XKR6: variants seen among roughly 807,000 people sequenced by gnomAD.
The protein encoded by XKR6 is XK related 6, also known as XK-related protein 6.
Under a neutral mutation model 56.7 loss-of-function variants are expected in XKR6, and 22 were observed. The ratio of observed to expected loss-of-function variants is 0.39; its 90% CI spans 0.28 to 0.55. The LOEUF (loss-of-function observed/expected upper bound fraction) is 0.55, where lower values mean the gene tolerates loss of function less well. Among genes scored for constraint, XKR6 ranks in the 20% least tolerant of loss-of-function variants. The pLI, the probability that XKR6 is intolerant of heterozygous loss-of-function variation, is 0.66. For missense variants in XKR6, 852 were observed against 889.0 expected, an observed-to-expected ratio of 0.96 and a Z score of 0.53; for synonymous variants, 524 against 387.8, an observed-to-expected ratio of 1.35 and a Z score of -4.13.
At chr8:10,926,191 G>A (rs1241640037) in intron 1 of XKR6, among the ~76,000 whole-genome samples, 1 of 152,176 alleles carries the variant, frequency 6.6e-6, no homozygotes, top group East Asian at 1.9e-4. Flanking sequence ...GCTGCCGGAT[G>A]GTCTGTTCTG....
chr8:11,038,680 G>A (rs556501211), intron 1 of XKR6, among the ~76,000 whole-genome samples: 17 of 152,112 alleles, frequency 1.1e-4, no homozygotes, highest in Admixed American at 9.2e-4. Context: ...GACCACAAGT[G>A]CTCACCACCA....
chr8:11,189,214 A>G (rs1803422095), intron 1 of XKR6, among the ~76,000 whole-genome samples: 1 of 152,202 alleles, frequency 6.6e-6, no homozygotes, highest in Non-Finnish European at 1.5e-5. Flanking sequence ...TTGAGACACA[A>G]AATTCACTGG....
At chr8:11,199,325 G>A (rs1028784306) in intron 1 of XKR6, among the ~76,000 whole-genome samples, 6 of 152,174 alleles carry the variant, frequency 3.9e-5, no homozygotes, top group Admixed American at 6.5e-5. Context: ...CATGTTTTCT[G>A]AAACGTTTTT....
chr8:10,934,839 G>A lies in XKR6; in HGVS notation c.765-10009C>T, dbSNP rs1489842684. Among the ~76,000 whole-genome samples, 5 of 149,664 alleles carry A rather than the reference G, an allele frequency of 3.3e-5. No individual in the cohort carries two copies. The South Asian group carries it at 6.4e-4, about 19-fold the overall frequency. ...AGGATTTTTGCATCAATGTTCATCAGGGATATTGGTCTAAAATTCTCTTTT... is the reference window on the plus strand; with the variant it reads ...AGGATTTTTGCATCAATGTTCATCAAGGATATTGGTCTAAAATTCTCTTTT... On this transcript the variant is annotated intron_variant, in intron 1 of 2. Coordinates refer to ENST00000416569, the MANE Select transcript of XKR6 (RefSeq NM_173683.4).
intron 1 of XKR6, among the ~76,000 whole-genome samples, chr8:10,997,202 C>G (rs763063016): frequency 9.9e-5 from 15 of 152,276 alleles, no homozygotes; most frequent in Non-Finnish European, 1.5e-4. Flanking sequence ...CAAAGACACA[C>G]AGAGCACCAA....
chr8:11,030,842 A>T (rs933892164), intron 1 of XKR6, among the ~76,000 whole-genome samples: 25 of 152,198 alleles, frequency 1.6e-4, no homozygotes, highest in African/African-American at 5.8e-4. Flanking sequence ...ATGAGGAGGG[A>T]ATTGCCCTCT....
At chr8:11,042,274 T>C (rs1333683482) in intron 1 of XKR6, among the ~76,000 whole-genome samples, 2 of 152,044 alleles carry the variant, frequency 1.3e-5, no homozygotes, top group Non-Finnish European at 2.9e-5. Flanking sequence ...ATTATACTAG[T>C]TGAGTATCTG....
chr8:11,040,026 C>T (rs546078966), intron 1 of XKR6, among the ~76,000 whole-genome samples: 1 of 152,204 alleles, frequency 6.6e-6, no homozygotes, highest in Non-Finnish European at 1.5e-5. Context: ...ATCCCCATCC[C>T]GCCACCCTCT....
chr8:10,956,869 C>G (rs754223857), intron 1 of XKR6, among the ~76,000 whole-genome samples: 23 of 152,182 alleles, frequency 1.5e-4, no homozygotes, highest in Non-Finnish European at 3.1e-4. Context: ...GCTTCAAAAC[C>G]CTAAAGGTGA....
At chr8:10,973,378 T>A (rs1171159135) in intron 1 of XKR6, among the ~76,000 whole-genome samples, 4 of 152,180 alleles carry the variant, frequency 2.6e-5, no homozygotes, top group Non-Finnish European at 5.9e-5. Context: ...CCCTGGCCCC[T>A]GGACCCCAAC....
At chr8:11,081,904 G>A (rs961297957) in intron 1 of XKR6, among the ~76,000 whole-genome samples, 1 of 152,218 alleles carries the variant, frequency 6.6e-6, no homozygotes, top group African/African-American at 2.4e-5. Context: ...GCCCCTCGAG[G>A]TGGGACTGGA....
At chr8:10,978,114 G>A (rs1407431815) in intron 1 of XKR6, among the ~76,000 whole-genome samples, 1 of 152,068 alleles carries the variant, frequency 6.6e-6, no homozygotes, top group Non-Finnish European at 1.5e-5. Context: ...TGCACCCACT[G>A]AGGTCCTAGT....
In XKR6 at chr8:11,040,269, C is replaced by T. The variant is rs559123786; in HGVS notation, c.765-115439G>A. On this transcript the variant is annotated intron_variant, in intron 1 of 2. Coordinates refer to ENST00000416569, the MANE Select transcript of XKR6 (RefSeq NM_173683.4). Reference sequence around the variant, plus strand: ...ACTACCACAGCCTCACGCCTGGAATCCCAGCACTCTGAGAGGCCGAAGCAG... The same window carrying T: ...ACTACCACAGCCTCACGCCTGGAATTCCAGCACTCTGAGAGGCCGAAGCAG... Among the ~76,000 whole-genome samples the T allele has an allele frequency of 2.6e-5, 4 of 151,830 alleles. No individual in the cohort carries two copies. In the East Asian group the frequency reaches 7.8e-4, roughly 30 times the overall value.
chr8:11,171,905 T>G (rs1802391932), intron 1 of XKR6, among the ~76,000 whole-genome samples: 2 of 151,638 alleles, frequency 1.3e-5, no homozygotes, highest in Non-Finnish European at 2.9e-5. Flanking sequence ...ATACAAAACT[T>G]AGCCAGCCGT....
intron 1 of XKR6, among the ~76,000 whole-genome samples, chr8:11,051,249 G>A (rs1799540344): frequency 6.6e-6 from 1 of 151,608 alleles, no homozygotes; most frequent in African/African-American, 2.4e-5. Context: ...CGATCACCCT[G>A]CTGGTTCCCC....
At chr8:10,906,323 G>C (rs1800189093) in intron 2 of XKR6, among the ~76,000 whole-genome samples, 1 of 152,176 alleles carries the variant, frequency 6.6e-6, no homozygotes, top group African/African-American at 2.4e-5. Flanking sequence ...TTCTTGAAAA[G>C]CTTGGTGGGT....
chr8:10,993,204 C>A (rs767878059), intron 1 of XKR6, among the ~76,000 whole-genome samples: 1 of 152,256 alleles, frequency 6.6e-6, no homozygotes, highest in African/African-American at 2.4e-5. Context: ...TGGTAGCTCT[C>A]GCGCCCAGGC....
intron 1 of XKR6, among the ~76,000 whole-genome samples, chr8:11,172,978 C>T (rs1802453615): frequency 6.6e-6 from 1 of 152,230 alleles, no homozygotes; most frequent in East Asian, 1.9e-4. Context: ...GGTATTTAAG[C>T]CATTAACAGA....
intron 1 of XKR6, among the ~76,000 whole-genome samples, chr8:10,966,723 G>C (rs1802235730): frequency 6.6e-6 from 1 of 152,098 alleles, no homozygotes; most frequent in South Asian, 2.1e-4. Context: ...CAAGTTCTCA[G>C]ACCCTGCCCT....
Sources: allele counts gnomAD v4.1 joint callset (sites outside exome capture counted in the v4.1 genomes callset), GRCh38; gene constraint gnomAD v4.1.1; transcripts MANE v1.5; gene names NCBI Gene and HGNC (gene_info 2026-07-23, HGNC 2026-07-21).